The following ICA1L variants were observed in gnomAD, a reference collection of about 807,000 sequenced individuals.
The protein encoded by ICA1L is islet cell autoantigen 1-like protein.
In ICA1L, 50 loss-of-function variants were observed where a neutral mutation model predicts 61.3. That is an observed-to-expected ratio of 0.82 (90% CI 0.65 to 1.03). The LOEUF is 1.03. ICA1L is among the 50% of genes least tolerant of loss of function. ICA1L has a pLI of 0.00. For missense variants in ICA1L, 508 were observed against 556.7 expected (o/e 0.91, Z 0.88); for synonymous variants, 161 against 191.3 (o/e 0.84, Z 1.31).
In ICA1L at chr2:202,831,019, G is replaced by T. The variant is rs74963961; in HGVS notation, c.-7-2003C>A. On this transcript the variant is annotated intron_variant, in intron 1 of 12. Transcript: ENST00000358299. ...AAAGATATGAGTTAAGATATACCAG[G>T]TAAATAGAAGCAAAATGAAATTAGA... 2.8e-4 allele frequency among the ~76,000 whole-genome samples: 43 copies of T among 152,130 alleles called. No homozygotes were observed. In the East Asian group the frequency reaches 4.6e-3, roughly 16 times the overall value.
chr2:202,834,268 T>C (rs1029817639), intron 1 of ICA1L, among the ~76,000 whole-genome samples: 4 of 152,226 alleles, frequency 2.6e-5, no homozygotes, highest in Non-Finnish European at 5.9e-5. Flanking sequence ...AGGACTGTAA[T>C]TGTTAAATGT....
chr2:202,786,748 C>A (rs1219121236), intron 11 of ICA1L: 1 of 406,536 alleles, frequency 2.5e-6, no homozygotes, highest in South Asian at 1.7e-5. Context: ...GAAGTACATG[C>A]ATGATTTTTT....
At chr2:202,791,702 CAG>C (rs1163693688) in intron 10 of ICA1L, among the ~76,000 whole-genome samples, 1 of 151,408 alleles carries the variant, frequency 6.6e-6, no homozygotes, top group African/African-American at 2.4e-5. Context: ...CAAAATTAGC[CAG>C]GCGTGGTGGC....
intron 3 of ICA1L, chr2:202,821,706 G>A (rs1422724524): frequency 1.4e-5 from 4 of 276,808 alleles, no homozygotes; most frequent in African/African-American, 2.2e-5. Flanking sequence ...AGATGGTTTC[G>A]ACACAGTGAA....
chr2:202,786,200 C>T (rs985864407), intron 11 of ICA1L, among the ~76,000 whole-genome samples, 193 bp from the exon 12 acceptor site: 2 of 152,096 alleles, frequency 1.3e-5, no homozygotes, highest in Admixed American at 6.5e-5. Context: ...GAGTTGGATC[C>T]GACTTCCTTA....
At chr2:202,793,485 C>T (rs542159935) in intron 10 of ICA1L, among the ~76,000 whole-genome samples, 75 of 120,044 alleles carry the variant, frequency 6.2e-4, no homozygotes, top group Non-Finnish European at 1.1e-3. Flanking sequence ...GGCAATATCC[C>T]GTCTCTACTA....
chr2:202,858,629 A>G (rs947751686), intron 1 of ICA1L, among the ~76,000 whole-genome samples: 7 of 152,184 alleles, frequency 4.6e-5, no homozygotes, highest in African/African-American at 1.4e-4. Context: ...CCAGAACTTA[A>G]AGTAAAAGTT....
At chr2:202,801,945 C>G (rs1173723709) in intron 9 of ICA1L, among the ~76,000 whole-genome samples, 1 of 152,150 alleles carries the variant, frequency 6.6e-6, no homozygotes, top group Non-Finnish European at 1.5e-5. Context: ...AGATTAAGAG[C>G]AAACAAATAT....
chr2:202,831,088 A>G (rs969946483), intron 1 of ICA1L, among the ~76,000 whole-genome samples: 3 of 152,256 alleles, frequency 2.0e-5, no homozygotes, highest in African/African-American at 7.2e-5. Flanking sequence ...AATAAAAAGC[A>G]TAAAATAGAA....
Position 202,788,978 on chromosome 2 carries a change from G to A in ICA1L, c.1095C>T (p.Thr365=). Residue 365 remains threonine, a synonymous_variant, in exon 11 of 13, where the codon ACC becomes ACT. Transcript: ENST00000358299. ...SSGSSSTSEF[T]QECQTAFGSP... is the part of the protein sequence containing the mutation. ...TCCCAAAGGCAGTCTGGCATTCTTGGGTAAATTCACTAGTACTTGAAGAAC... is the reference window on the plus strand; with the variant it reads ...TCCCAAAGGCAGTCTGGCATTCTTGAGTAAATTCACTAGTACTTGAAGAAC... 6.2e-7 allele frequency: 1 copy of A among 1,613,992 alleles called. No individual in the cohort carries two copies. Among genetic ancestry groups the A allele is most frequent in the Non-Finnish European group, 8.5e-7 (1 of 1,179,988 alleles).
chr2:202,851,513 T>A (rs568373715), intron 1 of ICA1L, among the ~76,000 whole-genome samples: 1 of 152,362 alleles, frequency 6.6e-6, no homozygotes, highest in East Asian at 1.9e-4. Context: ...TTATAATCCT[T>A]TGGGTATATA....
At chr2:202,829,192 CAA>C in intron 1 of ICA1L, 176 bp from the exon 2 acceptor site, 1 of 356,034 alleles carries the variant, frequency 2.8e-6, no homozygotes, top group Non-Finnish European at 4.9e-6. Flanking sequence ...ACTAAAAATA[CAA>C]AAAAAAATTA....
intron 1 of ICA1L, among the ~76,000 whole-genome samples, chr2:202,863,824 CAAA>C (rs771457963): frequency 6.1e-5 from 4 of 65,354 alleles, no homozygotes; most frequent in African/African-American, 5.9e-5. Context: ...GACTCCGTCT[CAAA>C]AAAAAAAAAA....
rs73990613 is a variant in ICA1L, at chr2:202,808,699, A to G, written c.910+3047T>C. ...GAGAAACTCCATGTGTTTGGGGGGA[A>G]GTAAGGGAAAAGAACAAGAGTCTCT... On this transcript the variant is annotated intron_variant, in intron 9 of 12. Coordinates refer to ENST00000358299, the MANE Select transcript of ICA1L (RefSeq NM_001288622.3). Among the ~76,000 whole-genome samples the G allele has an allele frequency of 1.1e-3, 165 of 152,318 alleles. 1 individual carries two copies. The highest frequency in any genetic ancestry group is 3.2e-3 in the African/African-American group (131 of 41,566).
intron 3 of ICA1L, 30 bp from the exon 4 acceptor site, chr2:202,821,511 GTTTCC>G (rs143506102): frequency 0.11 from 163,198 of 1,530,244 alleles, 9,871 homozygotes; most frequent in Non-Finnish European, 0.12. Context: ...GTAGTTAATT[GTTTCC>G]TTTCATCATT....
chr2:202,824,367 T>C (rs1009970153), intron 3 of ICA1L, among the ~76,000 whole-genome samples: 1 of 151,880 alleles, frequency 6.6e-6, no homozygotes, highest in African/African-American at 2.4e-5. Flanking sequence ...GCCACTGCAC[T>C]CTAGCCTGGG....
chr2:202,787,180 T>C (rs1318220412), intron 11 of ICA1L, among the ~76,000 whole-genome samples: 1 of 152,260 alleles, frequency 6.6e-6, no homozygotes, highest in African/African-American at 2.4e-5. Flanking sequence ...AACTGTCTGA[T>C]GACCTTGAGC....
Position 202,822,239 on chromosome 2 carries a change from G to A in ICA1L, c.236-758C>T, listed in dbSNP as rs543471067. Among the ~76,000 whole-genome samples, 10 of 152,194 alleles carry A rather than the reference G, an allele frequency of 6.6e-5. No individual in the cohort carries two copies. In the South Asian group the frequency reaches 1.9e-3, roughly 28 times the overall value. On this transcript the variant is annotated intron_variant, in intron 3 of 12. Coordinates refer to ENST00000358299, the MANE Select transcript of ICA1L (RefSeq NM_001288622.3). ...TGCAGTGGCTTGATCATAGCTCACT[G>A]CAACCTCGAATTCCTGGGCTCAAGT...
intron 9 of ICA1L, among the ~76,000 whole-genome samples, chr2:202,801,027 A>AG (rs397987388): frequency 6.6e-6 from 1 of 151,666 alleles, no homozygotes; most frequent in East Asian, 1.9e-4. Context: ...AGGAAAAAAA[A>AG]TAGAGGAGAA....
Sources: allele counts gnomAD v4.1 joint callset (sites outside exome capture counted in the v4.1 genomes callset), GRCh38; gene constraint gnomAD v4.1.1; transcripts MANE v1.5; gene names NCBI Gene and HGNC (gene_info 2026-07-23, HGNC 2026-07-21).